The following EMG1 variants were observed in gnomAD, a reference collection of about 807,000 sequenced individuals.
The protein encoded by EMG1 is ribosomal RNA small subunit methyltransferase NEP1.
EMG1 carries 24 observed loss-of-function variants against 26.9 expected under a neutral mutation model. The observed-to-expected ratio is 0.89, with a 90% CI of 0.65 to 1.26. EMG1 has a LOEUF of 1.26. Among genes scored for constraint, EMG1 ranks in the 50% most tolerant of loss-of-function variants. EMG1 has a pLI of 0.00. For missense variants in EMG1, 299 were observed against 307.6 expected (o/e 0.97, Z 0.21); for synonymous variants, 140 against 112.6 (o/e 1.24, Z -1.54).
At chr12:6,973,674 C>T (rs138540948) in intron 1 of EMG1, among the ~76,000 whole-genome samples, 8,113 of 152,232 alleles carry the variant, frequency 0.053, 391 homozygotes, top group African/African-American at 0.13. Flanking sequence ...TCCCAAGTAG[C>T]TGGGACTACA....
downstream of EMG1, chr12:6,981,018 T>C (rs781957731): frequency 6.2e-7 from 1 of 1,600,696 alleles, no homozygotes; most frequent in East Asian, 2.2e-5. Context: ...TTGGTATCTT[T>C]CCTGGTATGT....
At position 6,987,882 on chromosome 12, in the gene EMG1, C is replaced by A; in HGVS notation, c.*211+44C>A. On this transcript the variant is annotated intron_variant and NMD_transcript_variant, in intron 7 of 7. Coordinates refer to the EMG1 transcript ENST00000261406. This position sits in a 1 kb window ranked among gnomAD's most constrained non-coding sequence, Gnocchi z 4.1. ...CTGACTCTAACAAGGCCTACACTGT[C>A]CTGAGTTCTGAGTTCTTGTGTCCAC... 2.5e-6 allele frequency: 1 copy of A among 400,666 alleles called. No homozygotes were observed. The highest frequency in any genetic ancestry group is 4.4e-6 in the Non-Finnish European group (1 of 226,222). The allele number at this position is 400,666 out of a possible 1,614,324, so 24.8% of individuals were successfully genotyped here.
At chr12:6,975,206 CTT>C in intron 4 of EMG1, 21 bp from the exon 5 acceptor site, 1 of 1,613,944 alleles carries the variant, frequency 6.2e-7, no homozygotes, top group South Asian at 1.1e-5. Flanking sequence ...CTGGGGCTGA[CTT>C]TTCTCTCTTT....
At position 6,987,742 on chromosome 12, in the gene EMG1, C is replaced by T. The variant is rs1555154965; in HGVS notation, c.*155-40C>T. The T allele has an allele frequency of 2.5e-6, 1 of 400,638 alleles. No homozygotes were observed. Among genetic ancestry groups the T allele is most frequent in the Non-Finnish European group, 4.4e-6 (1 of 226,192 alleles). The allele number at this position is 400,638 out of a possible 1,614,324, so 24.8% of individuals were successfully genotyped here. ...AAATTAAAAAACACCACACATATTA[C>T]TCTGCCTCTTTAAGTTGAATCTAAT... On this transcript the variant is annotated intron_variant and NMD_transcript_variant, in intron 6 of 7. Transcript: ENST00000261406. This position sits in a 1 kb window ranked among gnomAD's most constrained non-coding sequence, Gnocchi z 4.1.
Position 6,976,118 on chromosome 12 carries a change from G to A in EMG1, c.*309G>A, listed in dbSNP as rs891710719. Reference sequence around the variant, plus strand: ...CAGGCTTTAGCTCCCAGATTCCCATGTGCTAAAGGAGAGAACCCTGATGAT... The same window carrying A: ...CAGGCTTTAGCTCCCAGATTCCCATATGCTAAAGGAGAGAACCCTGATGAT... On this transcript the variant is annotated 3_prime_UTR_variant, in exon 6 of 6. Coordinates refer to ENST00000599672, the MANE Select transcript of EMG1 (RefSeq NM_006331.8). 3.6e-6 allele frequency: 1 copy of A among 275,888 alleles called. No homozygotes were observed. Among genetic ancestry groups the A allele is most frequent in the East Asian group, 7.4e-5 (1 of 13,508 alleles). The allele number at this position is 275,888 out of a possible 1,614,324, so 17.1% of individuals were successfully genotyped here.
chr12:6,981,651 G>A (rs1946472304), downstream of EMG1: 3 of 1,588,784 alleles, frequency 1.9e-6, no homozygotes, highest in Non-Finnish European at 1.7e-6. Context: ...AGAGAGAACG[G>A]ATGGGTAGGG....
chr12:6,982,732 G>C (rs376479324), downstream of EMG1: 10 of 1,613,990 alleles, frequency 6.2e-6, no homozygotes, highest in African/African-American at 1.3e-4. Context: ...ATTAGTCGAA[G>C]GATGAGGAAC....
chr12:6,974,632 G>A lies in EMG1; in HGVS notation c.351G>A (p.Leu117=). ...QVYIHTQKNV[L]IEVNPQTRIP... ...ATATCCATACACAGAAGAATGTTCTGATTGAAGTGAATCCCCAGACCCGAA... is the reference window on the plus strand; with the variant it reads ...ATATCCATACACAGAAGAATGTTCTAATTGAAGTGAATCCCCAGACCCGAA... The change falls in exon 3 of 6, where the codon CTG becomes CTA. Residue 117 remains leucine (L), a synonymous_variant. Coordinates refer to ENST00000599672, the MANE Select transcript of EMG1 (RefSeq NM_006331.8). The A allele has an allele frequency of 6.2e-7, 1 of 1,614,010 alleles. No homozygotes were observed. Among genetic ancestry groups the A allele is most frequent in the Non-Finnish European group, 8.5e-7 (1 of 1,179,898 alleles).
chr12:6,995,326 T>A (rs1946627482), intron 7 of EMG1, among the ~76,000 whole-genome samples: 1 of 151,924 alleles, frequency 6.6e-6, no homozygotes, highest in African/African-American at 2.4e-5. Flanking sequence ...ATACAAAAAT[T>A]AGCCGGGCGT....
downstream of EMG1, among the ~76,000 whole-genome samples, chr12:6,989,415 T>C (rs766916647): frequency 2.2e-3 from 334 of 150,822 alleles, 1 homozygote; most frequent in Non-Finnish European, 3.5e-3. Flanking sequence ...GTTCACGCCA[T>C]TCTCCTGCCT....
downstream of EMG1, chr12:6,982,583 G>T: frequency 2.2e-6 from 2 of 895,300 alleles, no homozygotes; most frequent in Non-Finnish European, 3.6e-6. Flanking sequence ...TAGAAATTAG[G>T]TCTGCTAATT....
chr12:6,987,111 CAA>C lies in EMG1; in HGVS notation c.*155-662_*155-661del, dbSNP rs56951656. Among the ~76,000 whole-genome samples, 7 of 145,126 alleles carry C rather than the reference CAA, an allele frequency of 4.8e-5. No homozygotes were observed. In the East Asian group the frequency reaches 1.4e-3, roughly 29 times the overall value. ...TTGGGCAACGAGCAAGATTCTGTCT[CAA>C]AAAAAAAAGAAAAAAAAGTTTTATG... On this transcript the variant is annotated intron_variant and NMD_transcript_variant, in intron 6 of 7. Transcript: ENST00000261406. The surrounding 1 kb of genome is among the most constrained non-coding windows in gnomAD (Gnocchi z 4.1).
At chr12:6,981,609 C>T (rs782788225), downstream of EMG1, 2 of 1,613,672 alleles carry the variant, frequency 1.2e-6, no homozygotes, top group African/African-American at 1.3e-5. Context: ...TCTTTCCCTC[C>T]GTCAAAGTAG....
chr12:6,982,848 C>T, downstream of EMG1: 15 of 1,013,118 alleles, frequency 1.5e-5, no homozygotes, highest in South Asian at 1.7e-4. Flanking sequence ...CTTCCAATCA[C>T]AACGTAATAT....
chr12:6,974,961 T>C, intron 3 of EMG1, 129 bp from the exon 4 acceptor site: 2 of 991,856 alleles, frequency 2.0e-6, no homozygotes, highest in Non-Finnish European at 3.2e-6. Context: ...TTCCTAACAT[T>C]TCAGGAGTCC....
intron 1 of EMG1, among the ~76,000 whole-genome samples, chr12:6,974,034 G>T (rs1187533645): frequency 6.6e-6 from 1 of 152,228 alleles, no homozygotes; most frequent in Non-Finnish European, 1.5e-5. Flanking sequence ...ACAGCCACAG[G>T]TTTTTTAATT....
At chr12:6,995,894 A>G (rs1202197102) in intron 7 of EMG1, among the ~76,000 whole-genome samples, 1 of 152,116 alleles carries the variant, frequency 6.6e-6, no homozygotes, top group Non-Finnish European at 1.5e-5. Context: ...TTATTAATAT[A>G]TCATTATTAT....
At chr12:6,985,413 C>CAAAAT (rs1946513553) in intron 6 of EMG1, among the ~76,000 whole-genome samples, 1 of 149,534 alleles carries the variant, frequency 6.7e-6, no homozygotes, top group Non-Finnish European at 1.5e-5. Context: ...CAAAATAAAA[C>CAAAAT]AAAACAAAAA....
At chr12:6,997,377 T>TTATG (rs1407994307) in exon 8 of EMG1, 1 of 91,666 alleles carries the variant, frequency 1.1e-5, no homozygotes, top group Admixed American at 1.2e-4. Flanking sequence ...CAACAGCAAA[T>TTATG]TATGTGTGTG....
Sources: gnomAD v4.1 joint callset for allele counts (sites outside exome capture counted in the v4.1 genomes callset) on GRCh38, gnomAD v4.1.1 for gene constraint, Gnocchi (gnomAD v3.1) non-coding constraint, MANE v1.5 for transcripts, NCBI Gene and HGNC (gene_info 2026-07-23, HGNC 2026-07-21) for gene names.